Variants in EIF4E3 observed in about 807,000 individuals in gnomAD.
EIF4E3 encodes the protein eukaryotic translation initiation factor 4E type 3.
A neutral mutation model predicts 31.7 loss-of-function variants in EIF4E3; 26 were observed. That is an observed-to-expected ratio of 0.82 (90% CI 0.60 to 1.14). The LOEUF (loss-of-function observed/expected upper bound fraction) is 1.14, where lower values mean the gene tolerates loss of function less well. Ranked by LOEUF, EIF4E3 falls within the 50% of genes most tolerant of loss-of-function variation. The probability of loss-of-function intolerance (pLI) is 0.00; values close to 1 mark genes in which losing one functional copy is unlikely to be tolerated. For missense variants in EIF4E3, 304 were observed against 270.9 expected (o/e 1.12, Z -0.86); for synonymous variants, 128 against 107.7 (o/e 1.19, Z -1.17).
the EIF4E3 span, among the ~76,000 whole-genome samples, chr3:71,661,086 G>A: frequency 2.0e-5 from 3 of 152,098 alleles, no homozygotes; most frequent in Non-Finnish European, 4.4e-5. Context: ...CCCCCACAGA[G>A]ATTCTCATAA....
chr3:71,699,788 T>A, intron 2 of EIF4E3, 80 bp from the exon 3 acceptor site: 1 of 1,195,618 alleles, frequency 8.4e-7, no homozygotes, highest in Non-Finnish European at 1.2e-6. Flanking sequence ...ATTAATGCAT[T>A]AAAGAAAAAT....
chr3:71,705,501 T>C (rs9845350), intron 2 of EIF4E3, among the ~76,000 whole-genome samples: 14,549 of 152,214 alleles, frequency 0.096, 1,149 homozygotes, highest in African/African-American at 0.22. Context: ...ATAGAGGAAA[T>C]ATGGTTTCTG....
In EIF4E3 at chr3:71,710,371, G is replaced by A. The variant is rs943902907; in HGVS notation, c.249+41C>T. 33 of 1,537,722 alleles carry A rather than the reference G, an allele frequency of 2.1e-5. No individual in the cohort carries two copies. In the African/African-American group the frequency reaches 2.6e-4, roughly 12 times the overall value. On this transcript the variant is annotated intron_variant, in intron 2 of 6. Transcript: ENST00000425534. Reference sequence around the variant, plus strand: ...CAAGTTGGGTGATTAGGTGTCTGACGTGTGCCGTGTTAATCCAGTTAGTCC... The same window carrying A: ...CAAGTTGGGTGATTAGGTGTCTGACATGTGCCGTGTTAATCCAGTTAGTCC...
chr3:71,679,444 C>T lies in EIF4E3; in HGVS notation c.*5238G>A, dbSNP rs1232085963. ...TGCATTTCACTAAATGAGTTGGTAA[C>T]TTTTTTCAGGCAGCAACCAAAACAA... On this transcript the variant is annotated 3_prime_UTR_variant, in exon 7 of 7. Coordinates refer to ENST00000425534, the MANE Select transcript of EIF4E3 (RefSeq NM_001134651.2). 6.6e-6 allele frequency: 1 copy of T among 152,012 alleles called. No homozygotes were observed. Among genetic ancestry groups the T allele is most frequent in the Non-Finnish European group, 1.5e-5 (1 of 67,978 alleles). The allele number at this position is 152,012 out of a possible 1,614,324, so 9.4% of individuals were successfully genotyped here.
chr3:71,670,682 T>C (rs2048842978), downstream of EIF4E3, among the ~76,000 whole-genome samples: 1 of 152,184 alleles, frequency 6.6e-6, no homozygotes. Context: ...TTAAAACAAC[T>C]GGCCACGTAT....
chr3:71,753,100 C>G (rs1170475553), intron 1 of EIF4E3, among the ~76,000 whole-genome samples: 1 of 152,128 alleles, frequency 6.6e-6, no homozygotes, highest in Non-Finnish European at 1.5e-5. Context: ...TCAGACCAAG[C>G]GAAATTTGAA....
intron 1 of EIF4E3, among the ~76,000 whole-genome samples, chr3:71,712,714 A>G (rs554679808): frequency 6.6e-6 from 1 of 152,174 alleles, no homozygotes; most frequent in Non-Finnish European, 1.5e-5. Flanking sequence ...GTATTTCAAA[A>G]AAATTTTTTT....
chr3:71,661,211 C>T, the EIF4E3 span, among the ~76,000 whole-genome samples: 2 of 149,678 alleles, frequency 1.3e-5, no homozygotes, highest in Admixed American at 6.7e-5. Flanking sequence ...ATCTTTGCAA[C>T]ATTCCTGTGA....
chr3:71,676,821 C>T lies in EIF4E3; in HGVS notation c.*7861G>A, dbSNP rs557981150. On this transcript the variant is annotated 3_prime_UTR_variant, in exon 7 of 7. Coordinates refer to ENST00000425534, the MANE Select transcript of EIF4E3 (RefSeq NM_001134651.2). ...ATCTTCATGAAACACTAATTATTTT[C>T]GCCTTAAAAAGGGGACACGGCTTTA... 4.5e-4 allele frequency: 68 copies of T among 151,982 alleles called. No homozygotes were observed. The highest frequency in any genetic ancestry group is 1.6e-3 in the African/African-American group (67 of 41,468). The allele number at this position is 151,982 out of a possible 1,614,324, so 9.4% of individuals were successfully genotyped here.
At chr3:71,742,794 T>C (rs2049833265) in intron 1 of EIF4E3, among the ~76,000 whole-genome samples, 1 of 152,182 alleles carries the variant, frequency 6.6e-6, no homozygotes, top group African/African-American at 2.4e-5. Flanking sequence ...GACCAAGTCA[T>C]ATTTATCTAA....
intron 2 of EIF4E3, 115 bp downstream of exon 2, chr3:71,710,297 A>G: frequency 8.3e-7 from 1 of 1,209,850 alleles, no homozygotes; most frequent in Non-Finnish European, 1.2e-6. Context: ...CCGAGAGCCA[A>G]CTCCAGAGCA....
At chr3:71,733,752 A>G (rs1303969322) in intron 1 of EIF4E3, among the ~76,000 whole-genome samples, 1 of 151,874 alleles carries the variant, frequency 6.6e-6, no homozygotes, top group Non-Finnish European at 1.5e-5. Flanking sequence ...TGTAGATTGA[A>G]ATACTTTATA....
Position 71,679,776 on chromosome 3 carries a change from T to C in EIF4E3, c.*4906A>G, listed in dbSNP as rs898745918. 2.0e-5 allele frequency: 3 copies of C among 152,210 alleles called. No individual in the cohort carries two copies. Among genetic ancestry groups the C allele is most frequent in the Non-Finnish European group, 2.9e-5 (2 of 68,028 alleles). The allele number at this position is 152,210 out of a possible 1,614,324, so 9.4% of individuals were successfully genotyped here. On this transcript the variant is annotated 3_prime_UTR_variant, in exon 7 of 7. Transcript: ENST00000425534. ...TTTTGAAAGTGACAATTAATTTTAG[T>C]GGAAATTCATTCCCAGGCTACTTTG... is the stretch of plus-strand genomic sequence containing the variant.
downstream of EIF4E3, among the ~76,000 whole-genome samples, chr3:71,674,693 G>A (rs1193942251): frequency 6.6e-6 from 1 of 152,136 alleles, no homozygotes. Flanking sequence ...GGAGGAAAGT[G>A]GGAAAGTTTC....
intron 2 of EIF4E3, among the ~76,000 whole-genome samples, chr3:71,708,318 G>T (rs2049323905): frequency 6.6e-6 from 1 of 152,162 alleles, no homozygotes; most frequent in Non-Finnish European, 1.5e-5. Context: ...TGCTTTGGGG[G>T]ATGGAGGCTG....
intron 6 of EIF4E3, among the ~76,000 whole-genome samples, chr3:71,688,680 TA>T (rs906924114): frequency 3.3e-5 from 5 of 151,170 alleles, no homozygotes; most frequent in Middle Eastern, 3.4e-3. Flanking sequence ...TCTTGTGAAA[TA>T]AAAAAAAAGA....
intron 1 of EIF4E3, among the ~76,000 whole-genome samples, chr3:71,748,162 T>C (rs1454126313): frequency 1.3e-5 from 2 of 152,058 alleles, no homozygotes; most frequent in Non-Finnish European, 2.9e-5. Context: ...TCCAGTTGAC[T>C]CTTGAACAAC....
At chr3:71,750,715 T>C (rs563309040) in intron 1 of EIF4E3, among the ~76,000 whole-genome samples, 1 of 151,074 alleles carries the variant, frequency 6.6e-6, no homozygotes, top group Admixed American at 6.6e-5. Context: ...AGCCCAGGAG[T>C]TCTAGACCAG....
At chr3:71,744,756 T>C (rs2049854491) in intron 1 of EIF4E3, among the ~76,000 whole-genome samples, 1 of 152,116 alleles carries the variant, frequency 6.6e-6, no homozygotes, top group Non-Finnish European at 1.5e-5. Flanking sequence ...AAAAAATATA[T>C]ATATTTACGT....
Sources: gnomAD v4.1 joint callset for allele counts (sites outside exome capture counted in the v4.1 genomes callset) on GRCh38, gnomAD v4.1.1 for gene constraint, MANE v1.5 for transcripts, NCBI Gene and HGNC (gene_info 2026-07-23, HGNC 2026-07-21) for gene names.